GRIA3: variants seen among roughly 807,000 people sequenced by gnomAD.
GRIA3 encodes glutamate receptor 3.
A neutral mutation model predicts 63.0 loss-of-function variants in GRIA3; 3 were observed. The observed-to-expected ratio is 0.05, with a 90% CI of 0.02 to 0.12. The LOEUF is 0.12. GRIA3 is among the 10% of genes least tolerant of loss of function. The probability of loss-of-function intolerance (pLI) is 1.00; values close to 1 mark genes in which losing one functional copy is unlikely to be tolerated. For synonymous variants in GRIA3, 274 were observed against 257.9 expected, an observed-to-expected ratio of 1.06 and a Z score of -0.60; for missense variants, 347 against 700.9, an observed-to-expected ratio of 0.50 and a Z score of 5.70.
At chrX:123,257,136 A>C (rs777069708) in intron 3 of GRIA3, among the ~76,000 whole-genome samples, 1 of 111,456 alleles carries the variant, frequency 9.0e-6, no homozygotes, top group South Asian at 3.8e-4. Context: ...CTGGCATTGA[A>C]TATAACTGCC....
At chrX:123,251,183 G>A (rs933107560) in intron 2 of GRIA3, among the ~76,000 whole-genome samples, 1 of 112,137 alleles carries the variant, frequency 8.9e-6, no homozygotes, top group Admixed American at 9.4e-5. Context: ...ATTATCAATG[G>A]CTATTATCAT....
intron 2 of GRIA3, among the ~76,000 whole-genome samples, chrX:123,225,057 G>T (rs1367587291): frequency 8.9e-6 from 1 of 111,854 alleles, no homozygotes; most frequent in Admixed American, 9.5e-5. Flanking sequence ...CCTCTTTAAA[G>T]ATGGGGATTC....
intron 3 of GRIA3, among the ~76,000 whole-genome samples, chrX:123,291,331 G>C (rs747210387): frequency 9.0e-6 from 1 of 111,258 alleles, no homozygotes; most frequent in African/African-American, 3.3e-5. Context: ...AGTAGTAAAA[G>C]CCTTCAAGCA....
intron 11 of GRIA3, among the ~76,000 whole-genome samples, chrX:123,418,326 G>C (rs1440676181): frequency 2.7e-5 from 3 of 111,442 alleles, no homozygotes; most frequent in African/African-American, 9.8e-5. Context: ...GAAAACATAG[G>C]AGAATATCTG....
At chrX:123,390,207 A>G (rs2045377765) in intron 5 of GRIA3, among the ~76,000 whole-genome samples, 2 of 110,288 alleles carry the variant, frequency 1.8e-5, no homozygotes, top group Non-Finnish European at 3.8e-5. Flanking sequence ...TCTCTTCCTC[A>G]TTTGTGTGTT....
chrX:123,464,309 T>C (rs1282401140), intron 12 of GRIA3, among the ~76,000 whole-genome samples: 1 of 111,312 alleles, frequency 9.0e-6, no homozygotes, highest in Non-Finnish European at 1.9e-5. Context: ...GTACCCCCTG[T>C]GTCTAAAATA....
chrX:123,394,457 T>C, intron 5 of GRIA3, among the ~76,000 whole-genome samples: 1 of 111,866 alleles, frequency 8.9e-6, no homozygotes, highest in Non-Finnish European at 1.9e-5. Flanking sequence ...ATTTGTACCA[T>C]CATATACAAC....
chrX:123,379,232 T>C (rs1472339822), intron 5 of GRIA3, among the ~76,000 whole-genome samples: 1 of 111,863 alleles, frequency 8.9e-6, no homozygotes, highest in Admixed American at 9.5e-5. Context: ...TTTATTTCCC[T>C]TTTTATATAC....
At chrX:123,200,223 T>A (rs2147253465) in intron 2 of GRIA3, among the ~76,000 whole-genome samples, 1 of 111,112 alleles carries the variant, frequency 9.0e-6, no homozygotes, top group African/African-American at 3.3e-5. Flanking sequence ...ATTTTTTTAA[T>A]GTGGAAAACA....
At chrX:123,224,047 A>G (rs2044232307) in intron 2 of GRIA3, among the ~76,000 whole-genome samples, 1 of 111,767 alleles carries the variant, frequency 8.9e-6, no homozygotes, top group African/African-American at 3.3e-5. Flanking sequence ...GTGATCTCCT[A>G]ACAGCCAAGT....
intron 4 of GRIA3, among the ~76,000 whole-genome samples, chrX:123,339,052 C>A (rs988827892): frequency 5.4e-5 from 6 of 111,947 alleles, no homozygotes; most frequent in African/African-American, 1.3e-4. Context: ...TTTCCCTTTA[C>A]TGTACTCCAG....
chrX:123,476,080 G>T (rs761342721), intron 13 of GRIA3, among the ~76,000 whole-genome samples: 1 of 111,257 alleles, frequency 9.0e-6, no homozygotes, highest in Admixed American at 9.6e-5. Flanking sequence ...AAATATACTA[G>T]ATTGAAAAAC....
chrX:123,489,424 T>C lies in GRIA3; in HGVS notation c.*714T>C, dbSNP rs1426525629. 1 of 112,802 alleles carries C rather than the reference T, an allele frequency of 8.9e-6. No individual in the cohort carries two copies. Among genetic ancestry groups the C allele is most frequent in the Admixed American group, 9.4e-5 (1 of 10,626 alleles). The allele number at this position is 112,802 out of a possible 1,213,427, so 9.3% of individuals were successfully genotyped here. ...TCTTGAAATGGTTTTGTGAAAATGC[T>C]TTGATAACTTCCCACTCAAAGAAGA... On this transcript the variant is annotated 3_prime_UTR_variant, in exon 16 of 16. Coordinates refer to ENST00000620443, the MANE Select transcript of GRIA3 (RefSeq NM_007325.5).
chrX:123,272,590 T>A (rs999576706), intron 3 of GRIA3, among the ~76,000 whole-genome samples: 4 of 111,660 alleles, frequency 3.6e-5, no homozygotes, highest in Non-Finnish European at 7.5e-5. Context: ...TGTGTGCAAA[T>A]CACCCTAAAG....
chrX:123,315,277 G>A (rs1032925714), intron 3 of GRIA3, among the ~76,000 whole-genome samples: 3 of 111,849 alleles, frequency 2.7e-5, no homozygotes, highest in East Asian at 2.8e-4. Flanking sequence ...ATTGAATGTC[G>A]GTGAATATTT....
intron 2 of GRIA3, among the ~76,000 whole-genome samples, chrX:123,245,240 G>A (rs768510961): frequency 1.8e-5 from 2 of 112,244 alleles, no homozygotes; most frequent in East Asian, 5.6e-4. Context: ...AACGGGAGCA[G>A]ACACATAGGT....
chrX:123,260,402 AAGACAGACAGACAGACAGAC>A (rs766545795), intron 3 of GRIA3, among the ~76,000 whole-genome samples: 15 of 21,995 alleles, frequency 6.8e-4, no homozygotes, highest in African/African-American at 2.4e-3. Flanking sequence ...GAAAGAAAGA[AAGACAGACAGACAGACAGAC>A]AGACAGAAAG....
intron 10 of GRIA3, among the ~76,000 whole-genome samples, chrX:123,409,113 T>A (rs1260822326): frequency 1.8e-5 from 2 of 112,104 alleles, no homozygotes; most frequent in Non-Finnish European, 3.8e-5. Context: ...CCCTAATGAT[T>A]TCTCTAAGTT....
chrX:123,439,705 C>G (rs952824829), intron 12 of GRIA3, among the ~76,000 whole-genome samples: 1 of 110,912 alleles, frequency 9.0e-6, no homozygotes, highest in Non-Finnish European at 1.9e-5. Flanking sequence ...AATGAATTAT[C>G]TAATACCTAA....
Sources: gnomAD v4.1 joint callset for allele counts (sites outside exome capture counted in the v4.1 genomes callset) on GRCh38, gnomAD v4.1.1 for gene constraint, MANE v1.5 for transcripts, NCBI Gene and HGNC (gene_info 2026-07-23, HGNC 2026-07-21) for gene names.